Variants in LRRTM4 observed in about 807,000 individuals in gnomAD.
LRRTM4 encodes leucine rich repeat transmembrane neuronal 4.
LRRTM4 carries 25 observed loss-of-function variants against 47.6 expected under a neutral mutation model. That is an observed-to-expected ratio of 0.53 (90% CI 0.38 to 0.73). LRRTM4 has a LOEUF of 0.73. LRRTM4 is among the 30% of genes least tolerant of loss of function. The pLI is 0.00. For synonymous variants in LRRTM4, 311 were observed against 269.5 expected (o/e 1.15, Z -1.51); for missense variants, 638 against 713.4 (o/e 0.89, Z 1.20).
At chr2:76,834,452 A>G (rs1269851355) in intron 3 of LRRTM4, among the ~76,000 whole-genome samples, 1 of 152,180 alleles carries the variant, frequency 6.6e-6, no homozygotes, top group Admixed American at 6.6e-5. Flanking sequence ...TTCTTCAATG[A>G]GAATAGCTCC....
At chr2:77,405,704 T>C (rs991038423) in intron 3 of LRRTM4, among the ~76,000 whole-genome samples, 8 of 152,110 alleles carry the variant, frequency 5.3e-5, no homozygotes, top group Admixed American at 4.6e-4. Context: ...AATTGATAAG[T>C]GATCTTAAAG....
chr2:77,374,198 A>C (rs375988006), intron 3 of LRRTM4, among the ~76,000 whole-genome samples: 1 of 151,912 alleles, frequency 6.6e-6, no homozygotes, highest in Non-Finnish European at 1.5e-5. Flanking sequence ...AGAAAATAAA[A>C]GACTGAAATT....
At chr2:77,009,230 A>C (rs1364428541) in intron 3 of LRRTM4, 1 of 152,234 alleles carries the variant, frequency 6.6e-6, no homozygotes, top group East Asian at 1.9e-4. Flanking sequence ...AGATCCAGTG[A>C]ATTTCTTTTC....
intron 3 of LRRTM4, among the ~76,000 whole-genome samples, chr2:76,937,042 T>C (rs188605202): frequency 1.5e-5 from 2 of 137,766 alleles, no homozygotes; most frequent in East Asian, 4.5e-4. Context: ...ATGGTGACAA[T>C]GACAACGGGA....
intron 3 of LRRTM4, among the ~76,000 whole-genome samples, chr2:77,119,775 C>G (rs1025657490): frequency 2.5e-4 from 38 of 151,788 alleles, no homozygotes; most frequent in African/African-American, 8.2e-4. Flanking sequence ...ATATATATCA[C>G]TACATATCAC....
intron 3 of LRRTM4, among the ~76,000 whole-genome samples, chr2:76,935,961 G>C (rs996585126): frequency 1.8e-4 from 28 of 152,122 alleles, no homozygotes; most frequent in African/African-American, 6.5e-4. Context: ...GATACAGTGT[G>C]ATATTGGCTA....
At position 76,985,650 on chromosome 2, in the gene LRRTM4, T is replaced by C. The variant is rs559631839; in HGVS notation, c.1552-236734A>G. On this transcript the variant is annotated intron_variant, in intron 3 of 3. Transcript: ENST00000409884. ...ATGATTTGAAGTTTTTGTTAAGGAA[T>C]CCAGGAAGTTAGAGGCTTCTGACTA... is the stretch of plus-strand genomic sequence containing the variant. 9.3e-4 allele frequency among the ~76,000 whole-genome samples: 141 copies of C among 152,056 alleles called. 1 individual carries two copies. The highest frequency in any genetic ancestry group is 1.7e-3 in the Non-Finnish European group (116 of 67,938).
chr2:76,778,943 A>T (rs1448548709), intron 3 of LRRTM4, among the ~76,000 whole-genome samples: 1 of 151,002 alleles, frequency 6.6e-6, no homozygotes, highest in Non-Finnish European at 1.5e-5. Context: ...TGCATCCCAG[A>T]GATTCTGGTA....
intron 3 of LRRTM4, among the ~76,000 whole-genome samples, chr2:77,406,418 C>G (rs1030358603): frequency 1.3e-5 from 2 of 151,946 alleles, no homozygotes; most frequent in African/African-American, 4.8e-5. Flanking sequence ...AACTCCTGGG[C>G]TCCAGTGATC....
At chr2:76,883,514 A>C (rs1672988435) in intron 3 of LRRTM4, among the ~76,000 whole-genome samples, 1 of 152,178 alleles carries the variant, frequency 6.6e-6, no homozygotes, top group Non-Finnish European at 1.5e-5. Flanking sequence ...TGCAATTTAC[A>C]CATGCCCCAC....
chr2:76,806,475 G>T (rs575721771), intron 3 of LRRTM4, among the ~76,000 whole-genome samples: 15 of 152,216 alleles, frequency 9.9e-5, no homozygotes, highest in African/African-American at 3.6e-4. Flanking sequence ...CAGCTACTTG[G>T]AAGGCTGATG....
intron 3 of LRRTM4, among the ~76,000 whole-genome samples, chr2:76,935,768 A>G (rs908836199): frequency 6.6e-6 from 1 of 152,190 alleles, no homozygotes; most frequent in African/African-American, 2.4e-5. Context: ...TTTTCTAAAT[A>G]TACAATCTTG....
intron 3 of LRRTM4, among the ~76,000 whole-genome samples, chr2:77,352,208 G>A (rs956244204): frequency 2.0e-5 from 3 of 152,078 alleles, no homozygotes; most frequent in Non-Finnish European, 2.9e-5. Context: ...TTGAATAAGA[G>A]TTTAAAGCTA....
chr2:77,320,534 C>T (rs773500277), intron 3 of LRRTM4, among the ~76,000 whole-genome samples: 5 of 152,188 alleles, frequency 3.3e-5, no homozygotes, highest in South Asian at 2.1e-4. Flanking sequence ...GAAAGTCTGT[C>T]TCAAAAGGAC....
intron 3 of LRRTM4, among the ~76,000 whole-genome samples, chr2:76,845,568 T>C (rs1433719102): frequency 2.0e-5 from 3 of 152,188 alleles, no homozygotes; most frequent in Non-Finnish European, 4.4e-5. Flanking sequence ...GGATGGGACC[T>C]GGTCCTGTGA....
chr2:77,007,161 T>A (rs562394965), intron 3 of LRRTM4, among the ~76,000 whole-genome samples: 1 of 151,718 alleles, frequency 6.6e-6, no homozygotes, highest in Non-Finnish European at 1.5e-5. Context: ...GGAATATATA[T>A]ATATACACAC....
chr2:77,012,146 GTTTAAT>G (rs1012741044), intron 3 of LRRTM4, among the ~76,000 whole-genome samples: 4 of 152,058 alleles, frequency 2.6e-5, no homozygotes, highest in Non-Finnish European at 4.4e-5. Context: ...GAAAAATGTA[GTTTAAT>G]TTTAATTAAA....
At chr2:77,495,972 A>G (rs1382948693) in intron 3 of LRRTM4, among the ~76,000 whole-genome samples, 1 of 151,922 alleles carries the variant, frequency 6.6e-6, no homozygotes, top group African/African-American at 2.4e-5. Context: ...CAGTCTGGAG[A>G]TAAGTGACAT....
At chr2:77,490,481 C>G (rs1277516396) in intron 3 of LRRTM4, among the ~76,000 whole-genome samples, 1 of 152,016 alleles carries the variant, frequency 6.6e-6, no homozygotes, top group Non-Finnish European at 1.5e-5. Flanking sequence ...GACTTAAGTT[C>G]CTCCTACAGT....
Sources: gnomAD v4.1 joint callset for allele counts (sites outside exome capture counted in the v4.1 genomes callset) on GRCh38, gnomAD v4.1.1 for gene constraint, MANE v1.5 for transcripts, NCBI Gene and HGNC (gene_info 2026-07-23, HGNC 2026-07-21) for gene names.